The following MALRD1 variants were observed in gnomAD, a reference collection of about 807,000 sequenced individuals.
The protein encoded by MALRD1 is MAM and LDL-receptor class A domain-containing protein 1.
MALRD1 carries 247 observed loss-of-function variants against 242.1 expected under a neutral mutation model. The ratio of observed to expected loss-of-function variants is 1.02; its 90% CI spans 0.92 to 1.13. The LOEUF (loss-of-function observed/expected upper bound fraction) is 1.13. Ranked by LOEUF, MALRD1 falls within the 50% of genes most tolerant of loss-of-function variation. The pLI is 0.00. For synonymous variants in MALRD1, 995 were observed against 866.6 expected (o/e 1.15, Z -2.60); for missense variants, 2,989 against 2,533.1 (o/e 1.18, Z -3.86).
At chr10:19,468,941 T>C (rs1450890117) in intron 29 of MALRD1, among the ~76,000 whole-genome samples, 2 of 152,118 alleles carry the variant, frequency 1.3e-5, no homozygotes, top group African/African-American at 4.8e-5. Context: ...CCTCTTAATT[T>C]TTTTAATAAA....
In MALRD1 at chr10:19,559,525, C is replaced by T. The variant is rs368255442; in HGVS notation, c.5479-7977C>T. 1.8e-4 allele frequency among the ~76,000 whole-genome samples: 27 copies of T among 152,170 alleles called. No individual in the cohort carries two copies. The East Asian group carries it at 3.1e-3, about 17-fold the overall frequency. On this transcript the variant is annotated intron_variant, in intron 32 of 39. Transcript: ENST00000454679. Reference sequence around the variant, plus strand: ...TATTTTAAAATTTCTCTTGGAACTTCGTTGACCTTTGTGTTATTGGAAATT... The same window carrying T: ...TATTTTAAAATTTCTCTTGGAACTTTGTTGACCTTTGTGTTATTGGAAATT...
intron 31 of MALRD1, among the ~76,000 whole-genome samples, chr10:19,522,107 C>G (rs949052586): frequency 7.0e-6 from 1 of 143,626 alleles, no homozygotes. Flanking sequence ...TAATTGGTGA[C>G]TCCTGGTCCG....
At chr10:19,069,311 G>A (rs1173938761) in intron 2 of MALRD1, among the ~76,000 whole-genome samples, 1 of 151,728 alleles carries the variant, frequency 6.6e-6, no homozygotes, top group African/African-American at 2.4e-5. Context: ...AAACATGTAC[G>A]CTATTAAACA....
intron 14 of MALRD1, among the ~76,000 whole-genome samples, chr10:19,191,235 A>G (rs1835961505): frequency 6.6e-6 from 1 of 152,216 alleles, no homozygotes; most frequent in South Asian, 2.1e-4. Flanking sequence ...CACCAACATT[A>G]GGGAAATGCA....
intron 22 of MALRD1, among the ~76,000 whole-genome samples, chr10:19,324,563 C>A (rs1843036513): frequency 6.7e-6 from 1 of 150,252 alleles, no homozygotes; most frequent in South Asian, 2.1e-4. Flanking sequence ...ACGAACAGCA[C>A]AGACAACTCC....
intron 21 of MALRD1, among the ~76,000 whole-genome samples, chr10:19,291,164 A>G (rs1000147963): frequency 1.3e-5 from 2 of 152,082 alleles, no homozygotes; most frequent in African/African-American, 4.8e-5. Context: ...CACTTTTTTT[A>G]GTATAAAATT....
rs933523419 is a variant in MALRD1, at chr10:19,498,753, G to A, written c.5320+107G>A. On this transcript the variant is annotated intron_variant, in intron 31 of 39. Transcript: ENST00000454679. ...CATTTCTTATGTGTATGTGGGGACAGAGCTCAGTAGGTTTTATGGAAAGAG... is the reference window on the plus strand; with the variant it reads ...CATTTCTTATGTGTATGTGGGGACAAAGCTCAGTAGGTTTTATGGAAAGAG... The A allele has an allele frequency of 1.8e-5, 23 of 1,288,274 alleles. No individual in the cohort carries two copies. The African/African-American group carries it at 3.1e-4, about 18-fold the overall frequency. The allele number at this position is 1,288,274 out of a possible 1,614,324, so 79.8% of individuals were successfully genotyped here. A position where few individuals can be genotyped will look rare whatever the true frequency, so the allele number is the denominator to read the frequency against.
chr10:19,076,652 A>AT (rs1254457025), intron 2 of MALRD1, among the ~76,000 whole-genome samples: 1 of 152,014 alleles, frequency 6.6e-6, no homozygotes, highest in Non-Finnish European at 1.5e-5. Flanking sequence ...GCCTGTGCTT[A>AT]TGACAGTACC....
intron 26 of MALRD1, among the ~76,000 whole-genome samples, chr10:19,378,523 C>A (rs1410104624): frequency 6.6e-6 from 1 of 152,124 alleles, no homozygotes; most frequent in African/African-American, 2.4e-5. Flanking sequence ...TATGGTCTAC[C>A]TCTTGATCTG....
At chr10:19,381,046 C>T (rs1263351126) in intron 26 of MALRD1, among the ~76,000 whole-genome samples, 1 of 140,634 alleles carries the variant, frequency 7.1e-6, no homozygotes, top group East Asian at 2.1e-4. Flanking sequence ...TCTCCCAGTG[C>T]TATCCCTCCC....
intron 33 of MALRD1, among the ~76,000 whole-genome samples, chr10:19,572,050 A>G (rs1053294831): frequency 3.9e-5 from 6 of 152,146 alleles, no homozygotes; most frequent in Admixed American, 1.3e-4. Context: ...TGTCACCCCA[A>G]GTTACCTGCA....
At chr10:19,621,495 G>A (rs1839401629) in intron 36 of MALRD1, among the ~76,000 whole-genome samples, 2 of 151,574 alleles carry the variant, frequency 1.3e-5, no homozygotes, top group Non-Finnish European at 3.0e-5. Context: ...ATATTCAAAT[G>A]TAAATGTATT....
Position 19,593,395 on chromosome 10 carries a change from G to A in MALRD1, c.5681-1799G>A, listed in dbSNP as rs562403010. 8.1e-4 allele frequency among the ~76,000 whole-genome samples: 123 copies of A among 152,294 alleles called. 3 individuals are homozygous for A. In the South Asian group the frequency reaches 0.025, roughly 31 times the overall value. On this transcript the variant is annotated intron_variant, in intron 33 of 39. Transcript: ENST00000454679. ...TAGATACATCTTCACTATTGGTTTAGTGAGGAGGGAGAGGGACTTTCACAT... is the reference window on the plus strand; with the variant it reads ...TAGATACATCTTCACTATTGGTTTAATGAGGAGGGAGAGGGACTTTCACAT...
At position 19,207,515 on chromosome 10, in the gene MALRD1, T is replaced by TGTTTG. The variant is rs201453586; in HGVS notation, c.2579-1753_2579-1752insGTTTG. Among the ~76,000 whole-genome samples, 325 of 151,474 alleles carry TGTTTG rather than the reference T, an allele frequency of 2.1e-3. 3 individuals carry two copies. Among genetic ancestry groups the TGTTTG allele is most frequent in the Non-Finnish European group, 2.3e-3 (158 of 67,756 alleles). On this transcript the variant is annotated intron_variant, in intron 17 of 39. Coordinates refer to ENST00000454679, the MANE Select transcript of MALRD1 (RefSeq NM_001142308.3). ...AAGATTTTTGTTTGTTTGTTTGATT[T>TGTTTG]TTTTAGAAAGAGTCTCCCTCTGTTG...
chr10:19,306,075 C>CTATATACTATATATACTATATACTA (rs1554829371), intron 21 of MALRD1, among the ~76,000 whole-genome samples: 9,449 of 111,638 alleles, frequency 0.085, 549 homozygotes, highest in East Asian at 0.15. Context: ...ACTATATATA[C>CTATATACTATATATACTATATACTA]TATATACTAT....
At chr10:19,321,063 T>G (rs1471485192) in intron 21 of MALRD1, among the ~76,000 whole-genome samples, 1 of 152,138 alleles carries the variant, frequency 6.6e-6, no homozygotes, top group East Asian at 1.9e-4. Context: ...CCAGAAGCTC[T>G]TTAGTTTAAT....
chr10:19,686,677 G>T (rs1842597108), intron 36 of MALRD1, among the ~76,000 whole-genome samples: 1 of 152,124 alleles, frequency 6.6e-6, no homozygotes, highest in African/African-American at 2.4e-5. Context: ...TGGTGGAGGG[G>T]TGCCTTCTCC....
intron 7 of MALRD1, among the ~76,000 whole-genome samples, chr10:19,125,306 C>T (rs756928264): frequency 0.081 from 5,156 of 63,732 alleles, 276 homozygotes; most frequent in South Asian, 0.12. Context: ...TCCTTCCTTC[C>T]TTCCTTCCTT....
At chr10:19,687,127 A>ATT (rs543368637) in intron 36 of MALRD1, among the ~76,000 whole-genome samples, 1 of 151,898 alleles carries the variant, frequency 6.6e-6, no homozygotes, top group African/African-American at 2.4e-5. Flanking sequence ...CGTATCTAAC[A>ATT]TTTTTTTTCT....
Sources: allele counts gnomAD v4.1 joint callset (sites outside exome capture counted in the v4.1 genomes callset), GRCh38; gene constraint gnomAD v4.1.1; transcripts MANE v1.5; gene names NCBI Gene and HGNC (gene_info 2026-07-23, HGNC 2026-07-21).